KCTD3: variants seen among roughly 807,000 people sequenced by gnomAD.
The protein encoded by KCTD3 is BTB/POZ domain-containing protein KCTD3.
KCTD3 carries 41 observed loss-of-function variants against 85.8 expected under a neutral mutation model. That is an observed-to-expected ratio of 0.48 (90% CI 0.37 to 0.62). The LOEUF (loss-of-function observed/expected upper bound fraction) is 0.62, where lower values mean the gene tolerates loss of function less well. Ranked by LOEUF, KCTD3 falls within the 20% of genes least tolerant of loss-of-function variation. The pLI, the probability that KCTD3 is intolerant of heterozygous loss-of-function variation, is 0.00. For missense variants in KCTD3, 724 were observed against 989.9 expected, an observed-to-expected ratio of 0.73 and a Z score of 3.60; for synonymous variants, 338 against 345.4, an observed-to-expected ratio of 0.98 and a Z score of 0.24.
At chr1:215,588,852 T>C (rs1346031328) in intron 9 of KCTD3, among the ~76,000 whole-genome samples, 1 of 152,208 alleles carries the variant, frequency 6.6e-6, no homozygotes, top group Non-Finnish European at 1.5e-5. Flanking sequence ...ATTGACTCTC[T>C]GCCAAATCTT....
chr1:215,583,864 C>T (rs182328899), intron 8 of KCTD3, among the ~76,000 whole-genome samples: 2 of 152,090 alleles, frequency 1.3e-5, no homozygotes, highest in African/African-American at 4.8e-5. Flanking sequence ...AAAGTGATGA[C>T]TGAAAAATTA....
Position 215,588,195 on chromosome 1 carries a change from A to G in KCTD3, c.817+1510A>G, listed in dbSNP as rs78946184. Among the ~76,000 whole-genome samples the G allele has an allele frequency of 5.9e-3, 902 of 152,258 alleles. 20 individuals are homozygous for G. In the South Asian group the frequency reaches 0.067, roughly 11 times the overall value. On this transcript the variant is annotated intron_variant, in intron 9 of 17. Transcript: ENST00000259154. ...CATAGTCATCTCAAATTAAAATGGT[A>G]CTTAATGAACAGAGCAGCTCCTGTA...
intron 9 of KCTD3, among the ~76,000 whole-genome samples, chr1:215,594,353 A>C (rs891846110): frequency 6.6e-6 from 1 of 152,198 alleles, no homozygotes; most frequent in Admixed American, 6.5e-5. Flanking sequence ...TGCCGCACCA[A>C]GGTGAGCCTA....
At chr1:215,570,230 CTTT>C (rs528176748) in intron 1 of KCTD3, among the ~76,000 whole-genome samples, 1 of 139,280 alleles carries the variant, frequency 7.2e-6, no homozygotes. Flanking sequence ...TCGGTAAGGT[CTTT>C]TTTTTTTTTT....
At position 215,619,048 on chromosome 1, in the gene KCTD3, G is replaced by C. The variant is rs750666446; in HGVS notation, c.1725G>C (p.Met575Ile). The C allele has an allele frequency of 3.7e-6, 6 of 1,612,378 alleles. No homozygotes were observed. In the South Asian group the frequency reaches 5.5e-5, roughly 15 times the overall value. Reference protein sequence around the residue: ...QMWDLTTAMDMVNKSEDKDVG... With the variant: ...QMWDLTTAMDIVNKSEDKDVG... ...GGGATCTGACCACTGCTATGGATATGGTTAACAAAAGTGAAGATAAGGGTA... is the reference window on the plus strand; with the variant it reads ...GGGATCTGACCACTGCTATGGATATCGTTAACAAAAGTGAAGATAAGGGTA... The change falls in exon 16 of 18, where the codon ATG becomes ATC. Residue 575 changes from methionine (M) to isoleucine (I), a missense_variant. By Grantham distance (10) the Met-to-Ile change is conservative. Coordinates refer to ENST00000259154, the MANE Select transcript of KCTD3 (RefSeq NM_016121.5).
At chr1:215,597,784 A>T in intron 10 of KCTD3, among the ~76,000 whole-genome samples, 1 of 152,098 alleles carries the variant, frequency 6.6e-6, no homozygotes, top group South Asian at 2.1e-4. Context: ...TGTTAGAAGC[A>T]CACTTTTTCT....
At chr1:215,606,035 C>T (rs1655009796) in intron 13 of KCTD3, among the ~76,000 whole-genome samples, 1 of 152,154 alleles carries the variant, frequency 6.6e-6, no homozygotes, top group Admixed American at 6.6e-5. Context: ...TCTACCATAG[C>T]CTGTATGGCT....
At chr1:215,577,609 A>T (rs1226360162) in intron 4 of KCTD3, 61 bp from the exon 5 acceptor site, 4 of 1,082,928 alleles carry the variant, frequency 3.7e-6, no homozygotes, top group Non-Finnish European at 1.4e-6. Flanking sequence ...TTTTCCTTTC[A>T]TGTCAGATGA....
At position 215,618,973 on chromosome 1, in the gene KCTD3, A is replaced by G; in HGVS notation, c.1650A>G (p.Arg550=). The part of the protein sequence containing the change: ...ECEGSSRMGS[R]PRRYLFTGHT... ...AGGGATCCAGTAGGATGGGCTCAAG[A>G]CCAAGGCGCTACTTGTTCACAGGCC... Residue 550 remains arginine, a synonymous_variant, in exon 16 of 18, where the codon AGA becomes AGG. Coordinates refer to ENST00000259154, the MANE Select transcript of KCTD3 (RefSeq NM_016121.5). The G allele has an allele frequency of 6.2e-7, 1 of 1,614,016 alleles. No individual in the cohort carries two copies. The highest frequency in any genetic ancestry group is 8.5e-7 in the Non-Finnish European group (1 of 1,179,924).
chr1:215,613,001 G>C (rs1655288169), intron 15 of KCTD3, among the ~76,000 whole-genome samples: 1 of 152,110 alleles, frequency 6.6e-6, no homozygotes, highest in Non-Finnish European at 1.5e-5. Context: ...GGGCCGGGGA[G>C]AGAGAGAGCA....
In KCTD3 at chr1:215,579,041, G is replaced by T. The variant is rs768904217; in HGVS notation, c.439G>T (p.Asp147Tyr). The change falls in exon 7 of 18, where the codon GAT becomes TAT. Residue 147 changes from aspartate (D) to tyrosine (Y), a missense_variant. By Grantham distance (160) the Asp-to-Tyr change is radical. This residue lies in a region of KCTD3 where 106 missense variants were observed against 98.2 expected (regional missense o/e 1.08). Coordinates refer to ENST00000259154, the MANE Select transcript of KCTD3 (RefSeq NM_016121.5). Reference protein sequence around the residue: ...RKINNTVRSADSRNGLNSTEG... With the variant: ...RKINNTVRSAYSRNGLNSTEG... ...AATAAACAACACAGTCAGATCTGCT[G>T]ATTCTAGGAATGGTCTAAATTCTAC... is the stretch of plus-strand genomic sequence containing the variant. 24 of 1,576,384 alleles carry T rather than the reference G, an allele frequency of 1.5e-5. No individual in the cohort carries two copies. The highest frequency in any genetic ancestry group is 2.1e-5 in the Non-Finnish European group (24 of 1,166,020).
At chr1:215,591,346 CTCTCTT>C (rs1660208940) in intron 9 of KCTD3, among the ~76,000 whole-genome samples, 1 of 144,406 alleles carries the variant, frequency 6.9e-6, no homozygotes, top group Non-Finnish European at 1.5e-5. Flanking sequence ...TTCCTTCCTT[CTCTCTT>C]TCTCTCTTTC....
rs1453106099 is a variant in KCTD3 at position 215,619,258 on chromosome 1, T to C, written c.1853T>C (p.Val618Ala). ...AACATCAGTCCAGCAACTTCCGTAG[T>C]TCAGCATAGCCACTTACGAGAATCA... Reference protein sequence around the residue: ...TPNISPATSVVQHSHLRESNS... With the variant: ...TPNISPATSVAQHSHLRESNS... Residue 618 changes from valine (V) to alanine (A), a missense_variant, in exon 17 of 18, where the codon GTT becomes GCT. By Grantham distance (64) the Val-to-Ala change is moderately conservative (BLOSUM62 0). Coordinates refer to ENST00000259154, the MANE Select transcript of KCTD3 (RefSeq NM_016121.5). 1.2e-5 allele frequency: 20 copies of C among 1,613,798 alleles called. No individual in the cohort carries two copies. Among genetic ancestry groups the C allele is most frequent in the Non-Finnish European group, 1.6e-5 (19 of 1,179,820 alleles).
chr1:215,605,490 A>G (rs966837594), intron 13 of KCTD3, among the ~76,000 whole-genome samples: 2 of 152,022 alleles, frequency 1.3e-5, no homozygotes, highest in African/African-American at 4.8e-5. Flanking sequence ...TGGACTCTGT[A>G]TTCTTTATCT....
At chr1:215,607,367 C>T (rs1655070115) in intron 13 of KCTD3, among the ~76,000 whole-genome samples, 2 of 151,748 alleles carry the variant, frequency 1.3e-5, no homozygotes, top group African/African-American at 4.8e-5. Flanking sequence ...AGAGTATCTA[C>T]TCAGACAAAA....
chr1:215,619,327 A>G (rs765112176), intron 17 of KCTD3, 36 bp downstream of exon 17: 8 of 1,556,846 alleles, frequency 5.1e-6, no homozygotes, highest in Non-Finnish European at 7.0e-6. Context: ...AACAAAATTT[A>G]TTTCTTTTGG....
chr1:215,607,987 G>A (rs771933071), intron 13 of KCTD3, 30 bp from the exon 14 acceptor site: 1 of 1,565,932 alleles, frequency 6.4e-7, no homozygotes, highest in Admixed American at 2.0e-5. Flanking sequence ...AAGTAATTTT[G>A]TATTCTTTTG....
At chr1:215,569,593 C>CTTTTTTTT (rs754210465) in intron 1 of KCTD3, among the ~76,000 whole-genome samples, 1 of 130,520 alleles carries the variant, frequency 7.7e-6, no homozygotes, top group Admixed American at 7.8e-5. Flanking sequence ...GGCACTGTAA[C>CTTTTTTTT]TTTTTTTTTT....
Position 215,586,947 on chromosome 1 carries a change from A to T in KCTD3, c.817+262A>T, listed in dbSNP as rs565132774. 5.3e-5 allele frequency among the ~76,000 whole-genome samples: 8 copies of T among 152,164 alleles called. No homozygotes were observed. In the South Asian group the frequency reaches 1.7e-3, roughly 32 times the overall value. ...TTTCCTGAATCCCACTTAGTGGTGG[A>T]TGTTTTCACTGTTTTCTCTCCACCC... On this transcript the variant is annotated intron_variant, in intron 9 of 17. Transcript: ENST00000259154.
Sources: allele counts gnomAD v4.1 joint callset (sites outside exome capture counted in the v4.1 genomes callset), GRCh38; gene constraint gnomAD v4.1.1; regional missense constraint gnomAD v4.1.1; transcripts MANE v1.5; gene names NCBI Gene and HGNC (gene_info 2026-07-23, HGNC 2026-07-21).